Variants in CDH13 observed in about 807,000 individuals in gnomAD.
The protein encoded by CDH13 is cadherin-13.
A neutral mutation model predicts 63.8 loss-of-function variants in CDH13; 24 were observed. The observed-to-expected ratio is 0.38, with a 90% CI of 0.27 to 0.53. The LOEUF is 0.53. Ranked by LOEUF, CDH13 falls within the 20% of genes least tolerant of loss-of-function variation. The pLI is 0.85. For synonymous variants in CDH13, 503 were observed against 355.3 expected, an observed-to-expected ratio of 1.42 and a Z score of -4.67; for missense variants, 1,049 against 903.1, an observed-to-expected ratio of 1.16 and a Z score of -2.07.
intron 7 of CDH13, among the ~76,000 whole-genome samples, chr16:83,535,387 G>T (rs1236178114): frequency 6.6e-6 from 1 of 152,260 alleles, no homozygotes; most frequent in African/African-American, 2.4e-5. Flanking sequence ...TGGCCACATT[G>T]TAGATGGGCA....
At chr16:83,435,432 G>T (rs2072264991) in intron 6 of CDH13, among the ~76,000 whole-genome samples, 1 of 152,000 alleles carries the variant, frequency 6.6e-6, no homozygotes, top group Non-Finnish European at 1.5e-5. Context: ...GCCTTCTGTG[G>T]CTCCCCGTTG....
At chr16:82,647,348 C>A (rs543818228) in intron 1 of CDH13, among the ~76,000 whole-genome samples, 11 of 152,308 alleles carry the variant, frequency 7.2e-5, no homozygotes, top group African/African-American at 2.6e-4. Context: ...GTAAGTGTCA[C>A]AGTCTCAGTT....
chr16:82,785,410 G>A (rs555933216), intron 1 of CDH13, among the ~76,000 whole-genome samples: 89 of 152,196 alleles, frequency 5.8e-4, no homozygotes, highest in Non-Finnish European at 3.7e-4. Flanking sequence ...TGGATGTTCA[G>A]TGGAGCTCAA....
At chr16:83,481,274 C>G (rs988583278) in intron 6 of CDH13, among the ~76,000 whole-genome samples, 4 of 152,164 alleles carry the variant, frequency 2.6e-5, no homozygotes, top group Non-Finnish European at 2.9e-5. Flanking sequence ...ATAGGAATAG[C>G]ATTTTGTAAA....
At chr16:83,377,529 G>A (rs1043339000) in intron 6 of CDH13, among the ~76,000 whole-genome samples, 1 of 152,174 alleles carries the variant, frequency 6.6e-6, no homozygotes, top group African/African-American at 2.4e-5. Flanking sequence ...TTTTCCCATA[G>A]TAGTATTATT....
intron 7 of CDH13, among the ~76,000 whole-genome samples, chr16:83,496,955 A>T (rs2074160290): frequency 2.0e-5 from 3 of 152,202 alleles, no homozygotes; most frequent in Admixed American, 2.0e-4. Flanking sequence ...TCAAAACCAC[A>T]ATGAGATACC....
intron 4 of CDH13, among the ~76,000 whole-genome samples, chr16:83,143,002 G>A (rs886497213): frequency 6.6e-6 from 1 of 152,172 alleles, no homozygotes; most frequent in East Asian, 1.9e-4. Context: ...ACTCAGGAAG[G>A]CTGAGGCAGG....
chr16:83,507,924 C>G (rs1034292851), intron 7 of CDH13, among the ~76,000 whole-genome samples: 1 of 151,234 alleles, frequency 6.6e-6, no homozygotes, highest in Admixed American at 6.6e-5. Context: ...TCCAGCTACT[C>G]AGGAGGCTGA....
intron 10 of CDH13, among the ~76,000 whole-genome samples, chr16:83,707,601 C>A (rs1907278393): frequency 6.6e-6 from 1 of 152,082 alleles, no homozygotes; most frequent in African/African-American, 2.4e-5. Context: ...ATCCCCTGTT[C>A]TACTACTCTT....
intron 3 of CDH13, among the ~76,000 whole-genome samples, chr16:83,111,555 A>T (rs781077933): frequency 1.3e-5 from 2 of 152,222 alleles, no homozygotes; most frequent in Non-Finnish European, 2.9e-5. Context: ...TCAGGAGAGC[A>T]GATCATGGTA....
At chr16:83,687,690 C>A (rs927846160) in intron 10 of CDH13, among the ~76,000 whole-genome samples, 2 of 152,162 alleles carry the variant, frequency 1.3e-5, no homozygotes, top group African/African-American at 4.8e-5. Context: ...TTACATTTGG[C>A]CTTGTTTTAA....
intron 1 of CDH13, among the ~76,000 whole-genome samples, chr16:82,673,167 G>A (rs1913495019): frequency 6.6e-6 from 1 of 151,790 alleles, no homozygotes; most frequent in African/African-American, 2.4e-5. Context: ...TATTTCTTGT[G>A]CCCCCATCAG....
intron 7 of CDH13, among the ~76,000 whole-genome samples, chr16:83,487,239 T>A (rs558556276): frequency 6.6e-6 from 1 of 152,360 alleles, no homozygotes; most frequent in African/African-American, 2.4e-5. Flanking sequence ...ACATGCCTGC[T>A]CTTTCGTTTT....
chr16:83,667,031 GTGGA>G (rs1478977503), intron 8 of CDH13, among the ~76,000 whole-genome samples: 2 of 46,324 alleles, frequency 4.3e-5, no homozygotes, highest in African/African-American at 6.5e-5. Flanking sequence ...GGATGGATGG[GTGGA>G]TGGATGAATG....
chr16:83,052,833 T>G (rs965764923), intron 3 of CDH13, among the ~76,000 whole-genome samples: 1 of 91,052 alleles, frequency 1.1e-5, no homozygotes, highest in East Asian at 2.6e-4. Flanking sequence ...AATAGCAAAA[T>G]AGAAAAGACA....
intron 2 of CDH13, among the ~76,000 whole-genome samples, chr16:82,906,360 G>A (rs1344047586): frequency 1.3e-5 from 2 of 152,186 alleles, no homozygotes; most frequent in Admixed American, 1.3e-4. Context: ...TCTGGTGTGA[G>A]TTTTCAGCTT....
chr16:83,130,220 TATG>T (rs2035988511), intron 4 of CDH13, among the ~76,000 whole-genome samples: 2 of 152,342 alleles, frequency 1.3e-5, no homozygotes, highest in Admixed American at 1.3e-4. Flanking sequence ...GTTGAATTCT[TATG>T]ATAACAACCA....
At position 83,429,217 on chromosome 16, in the gene CDH13, T is replaced by A. The variant is rs556376558; in HGVS notation, c.782-57260T>A. 2.0e-5 allele frequency among the ~76,000 whole-genome samples: 3 copies of A among 152,324 alleles called. No individual in the cohort carries two copies. The East Asian group carries it at 5.8e-4, about 29-fold the overall frequency. ...TACGAGAAGGTCCTTTTGTGTGTTG[T>A]GACACAGACTGGTATCCCATTTATG... is the stretch of plus-strand genomic sequence containing the variant. On this transcript the variant is annotated intron_variant, in intron 6 of 13. Coordinates refer to ENST00000567109, the MANE Select transcript of CDH13 (RefSeq NM_001257.5).
intron 1 of CDH13, among the ~76,000 whole-genome samples, chr16:82,698,459 C>T (rs987682397): frequency 1.3e-5 from 2 of 152,184 alleles, no homozygotes; most frequent in African/African-American, 4.8e-5. Flanking sequence ...TGCTCACTGC[C>T]CATGCATATG....
Sources: allele counts gnomAD v4.1 joint callset (sites outside exome capture counted in the v4.1 genomes callset), GRCh38; gene constraint gnomAD v4.1.1; transcripts MANE v1.5; gene names NCBI Gene and HGNC (gene_info 2026-07-23, HGNC 2026-07-21).